Variants in KRTAP4-8 observed in about 807,000 individuals in gnomAD.
KRTAP4-8 encodes the protein keratin associated protein 4-8.
For missense variants in KRTAP4-8, 188 were observed against 237.4 expected (o/e 0.79, Z 1.37); for synonymous variants, 66 against 86.6 (o/e 0.76, Z 1.32).
In KRTAP4-8 at chr17:41,098,050, T is replaced by G; in HGVS notation, c.35A>C (p.Asp12Ala). 6.2e-7 allele frequency: 1 copy of G among 1,610,782 alleles called. No homozygotes were observed. Among genetic ancestry groups the G allele is most frequent in the Non-Finnish European group, 8.5e-7 (1 of 1,178,490 alleles). The change falls in exon 1 of 1, where the codon GAC (aspartate) becomes GCC (alanine). Residue 12 changes from aspartate to alanine, a missense_variant. Physicochemically the swap from Asp to Ala is moderately radical, Grantham distance 126. Coordinates refer to ENST00000333822, the MANE Select transcript of KRTAP4-8 (RefSeq NM_031960.3). Reference sequence around the variant, plus strand: ...GCAGAGGTCTTGGCCACAGCCTTGGTCAGAGCACACGGAGCCACAACAGGA... The same window carrying G: ...GCAGAGGTCTTGGCCACAGCCTTGGGCAGAGCACACGGAGCCACAACAGGA... ...VNSCCGSVCS[D>A]QGCGQDLCQE... is the part of the protein sequence containing the mutation.
Position 41,097,742 on chromosome 17 carries a change from A to G in KRTAP4-8, c.343T>C (p.Cys115Arg). The G allele has an allele frequency of 6.5e-7, 1 of 1,547,952 alleles. No individual in the cohort carries two copies. ...TTGGGCTGGCAGCACACAGACTGGCAGCACTGGGGCTTGCAGCAGCTGGAC... is the reference window on the plus strand; with the variant it reads ...TTGGGCTGGCAGCACACAGACTGGCGGCACTGGGGCTTGCAGCAGCTGGAC... ...CVSSCCKPQCCQSVCCQPNCC... is the reference protein window; with the variant it reads ...CVSSCCKPQCRQSVCCQPNCC... The change falls in exon 1 of 1, where the codon TGC (cysteine) becomes CGC (arginine). Residue 115 changes from cysteine (C) to arginine (R), a missense_variant. Cys to Arg is a radical substitution (Grantham distance 180). Transcript: ENST00000333822.
rs2013859587 is a variant in KRTAP4-8 at position 41,097,204 on chromosome 17, A to T, written c.*323T>A. 2.1e-6 allele frequency: 1 copy of T among 467,158 alleles called. No homozygotes were observed. The highest frequency in any genetic ancestry group is 3.3e-5 in the South Asian group (1 of 30,092). 28.9% of individuals were successfully genotyped at this position (467,158 alleles called of 1,614,324 possible). On this transcript the variant is annotated 3_prime_UTR_variant, in exon 1 of 1. Coordinates refer to ENST00000333822, the MANE Select transcript of KRTAP4-8 (RefSeq NM_031960.3). ...TTGAAAGGGAGATAATGTGTACCTA[A>T]TTGGGAAGGATATTCTGTAGGCTCA... is the stretch of plus-strand genomic sequence containing the variant.
rs755293251 is a variant in KRTAP4-8, at chr17:41,098,009, A to G, written c.76T>C (p.Cys26Arg). ...GQDLCQETCC[C>R]PSCCQTTCCR... ...CAGGTGGTCTGACAGCAGCTGGGGC[A>G]GCAGCAGGTCTCCTGGCAGAGGTCT... The change falls in exon 1 of 1, where the codon TGC becomes CGC. Residue 26 changes from cysteine (C) to arginine (R), a missense_variant. Transcript: ENST00000333822. 5.9e-5 allele frequency: 95 copies of G among 1,613,750 alleles called. No homozygotes were observed. The highest frequency in any genetic ancestry group is 7.3e-5 in the Non-Finnish European group (86 of 1,179,878).
At position 41,097,715 on chromosome 17, in the gene KRTAP4-8, A is replaced by T; in HGVS notation, c.370T>A (p.Cys124Ser). Reference protein sequence around the residue: ...CCQSVCCQPNCCRPSCSISSC... With the variant: ...CCQSVCCQPNSCRPSCSISSC... ...GAGATGCTGCAGCTGGGGCGGCAGC[A>T]GTTGGGCTGGCAGCACACAGACTGG... The change falls in exon 1 of 1, where the codon TGC (cysteine) becomes AGC (serine). Residue 124 changes from cysteine to serine, a missense_variant. Cys to Ser is a moderately radical substitution (Grantham distance 112). Coordinates refer to ENST00000333822, the MANE Select transcript of KRTAP4-8 (RefSeq NM_031960.3). 1 of 1,458,334 alleles carries T rather than the reference A, an allele frequency of 6.9e-7. No individual in the cohort carries two copies. Among genetic ancestry groups the T allele is most frequent in the Non-Finnish European group, 9.4e-7 (1 of 1,058,266 alleles). The allele number at this position is 1,458,334 out of a possible 1,614,324, so 90.3% of individuals were successfully genotyped here.
At position 41,097,952 on chromosome 17, in the gene KRTAP4-8, T is replaced by C. The variant is rs756488945; in HGVS notation, c.133A>G (p.Ser45Gly). 7.5e-6 allele frequency: 12 copies of C among 1,609,366 alleles called. No homozygotes were observed. In the South Asian group the frequency reaches 1.3e-4, roughly 18 times the overall value. ...CRTTCYRPSY[S>G]VSCCCRPQCC... Reference sequence around the variant, plus strand: ...TGGGGTCTGCAGCAGCAGGACACACTGTAGCTGGGGCGGTAGCAGGTGGTC... The same window carrying C: ...TGGGGTCTGCAGCAGCAGGACACACCGTAGCTGGGGCGGTAGCAGGTGGTC... The change falls in exon 1 of 1, where the codon AGT becomes GGT. Residue 45 changes from serine (S) to glycine (G), a missense_variant. By Grantham distance (56) the Ser-to-Gly change is moderately conservative (BLOSUM62 0). Coordinates refer to ENST00000333822, the MANE Select transcript of KRTAP4-8 (RefSeq NM_031960.3).
chr17:41,097,438 C>T lies in KRTAP4-8; in HGVS notation c.*89G>A. On this transcript the variant is annotated 3_prime_UTR_variant, in exon 1 of 1. Coordinates refer to ENST00000333822, the MANE Select transcript of KRTAP4-8 (RefSeq NM_031960.3). ...TCCACCCTGCTGAATGACATAAATC[C>T]CACTCCATGTGTCCTAATATTCAGC... The T allele has an allele frequency of 6.7e-7, 1 of 1,484,878 alleles. No individual in the cohort carries two copies. The allele number at this position is 1,484,878 out of a possible 1,614,324, so 92.0% of individuals were successfully genotyped here. A position where few individuals can be genotyped will look rare whatever the true frequency, so the allele number is the denominator to read the frequency against.
Position 41,097,432 on chromosome 17 carries a change from T to C in KRTAP4-8, c.*95A>G. ...ATGAGGTCCACCCTGCTGAATGACA[T>C]AAATCCCACTCCATGTGTCCTAATA... is the stretch of plus-strand genomic sequence containing the variant. On this transcript the variant is annotated 3_prime_UTR_variant, in exon 1 of 1. Coordinates refer to ENST00000333822, the MANE Select transcript of KRTAP4-8 (RefSeq NM_031960.3). 1 of 1,476,796 alleles carries C rather than the reference T, an allele frequency of 6.8e-7. No homozygotes were observed. Among genetic ancestry groups the C allele is most frequent in the Non-Finnish European group, 9.1e-7 (1 of 1,103,964 alleles). 91.5% of individuals were successfully genotyped at this position (1,476,796 alleles called of 1,614,324 possible). A position where few individuals can be genotyped will look rare whatever the true frequency, so the allele number is the denominator to read the frequency against.
rs766395334 is a variant in KRTAP4-8 at position 41,097,765 on chromosome 17, G to T, written c.320C>A (p.Ser107Tyr). Residue 107 changes from serine to tyrosine, a missense_variant, in exon 1 of 1, where the codon TCC becomes TAC. Transcript: ENST00000333822. ...GCAGCACTGGGGCTTGCAGCAGCTG[G>T]ACACACAGCAGCTGGGGCGGCAGCA... Reference protein sequence around the residue: ...SSCCRPSCCVSSCCKPQCCQS... With the variant: ...SSCCRPSCCVYSCCKPQCCQS... 56 of 1,599,398 alleles carry T rather than the reference G, an allele frequency of 3.5e-5. 1 individual carries two copies. Among genetic ancestry groups the T allele is most frequent in the Non-Finnish European group, 3.4e-6 (4 of 1,172,516 alleles).
Position 41,097,233 on chromosome 17 carries a change from T to C in KRTAP4-8, c.*294A>G, listed in dbSNP as rs1266009937. On this transcript the variant is annotated 3_prime_UTR_variant, in exon 1 of 1. Transcript: ENST00000333822. ...GGAAGGATATTCTGTAGGCTCAAAA[T>C]GATTTTAAAAAATGAGGAATTTAGA... The C allele has an allele frequency of 1.8e-6, 1 of 542,098 alleles. No individual in the cohort carries two copies. Among genetic ancestry groups the C allele is most frequent in the African/African-American group, 1.9e-5 (1 of 52,690 alleles). The allele number at this position is 542,098 out of a possible 1,614,324, so 33.6% of individuals were successfully genotyped here.
rs1489042458 is a variant in KRTAP4-8 at position 41,097,635 on chromosome 17, G to C, written c.450C>G (p.Cys150Trp). Reference protein sequence around the residue: ...CESSCCRPCCCLRPVCGRVSC... With the variant: ...CESSCCRPCCWLRPVCGRVSC... ...AGACTCGGCCACAGACTGGACGCAG[G>C]CAGCAGCAGGGGCGGCAGCAGCTGG... The change falls in exon 1 of 1, where the codon TGC becomes TGG. Residue 150 changes from cysteine (C) to tryptophan (W), a missense_variant. Coordinates refer to ENST00000333822, the MANE Select transcript of KRTAP4-8 (RefSeq NM_031960.3). The C allele has an allele frequency of 1.3e-6, 2 of 1,584,326 alleles. No individual in the cohort carries two copies. Among genetic ancestry groups the C allele is most frequent in the South Asian group, 1.1e-5 (1 of 88,416 alleles).
rs142150852 is a variant in KRTAP4-8, at chr17:41,097,545, G to T, written c.540C>A (p.Cys180Ter). Residue 180 changes from cysteine to a stop codon, truncating the protein, a stop_gained, in exon 1 of 1, where the codon TGC becomes TGA. Coordinates refer to ENST00000333822, the MANE Select transcript of KRTAP4-8 (RefSeq NM_031960.3). LOFTEE classifies it high-confidence loss of function. ...AGTGGGCTCAGCAGCAAGAGGAGGC[G>T]CAGCACACGGGGCGGGGGCAGGTGG... is the stretch of plus-strand genomic sequence containing the variant. ...VISTCPRPVC[C>*]ASSCC The T allele has an allele frequency of 2.0e-5, 31 of 1,559,554 alleles. No homozygotes were observed. Among genetic ancestry groups the T allele is most frequent in the Non-Finnish European group, 2.3e-5 (27 of 1,155,416 alleles).
chr17:41,097,705 G>C lies in KRTAP4-8; in HGVS notation c.380C>G (p.Pro127Arg). The C allele has an allele frequency of 6.8e-7, 1 of 1,472,848 alleles. No homozygotes were observed. The highest frequency in any genetic ancestry group is 1.2e-5 in the South Asian group (1 of 83,048). The allele number at this position is 1,472,848 out of a possible 1,614,324, so 91.2% of individuals were successfully genotyped here. Residue 127 changes from proline (P) to arginine (R), a missense_variant, in exon 1 of 1, where the codon CCC becomes CGC. Physicochemically the swap from Pro to Arg is moderately radical, Grantham distance 103. Coordinates refer to ENST00000333822, the MANE Select transcript of KRTAP4-8 (RefSeq NM_031960.3). ...GCAGCAGCTGGAGATGCTGCAGCTG[G>C]GGCGGCAGCAGTTGGGCTGGCAGCA... ...SVCCQPNCCR[P>R]SCSISSCCRP...
chr17:41,098,094 G>A lies in KRTAP4-8; in HGVS notation c.-10C>T, dbSNP rs755712787. On this transcript the variant is annotated 5_prime_UTR_variant, in exon 1 of 1. Transcript: ENST00000333822. ...AACAGGAGTTGACCATGGTGTCAGA[G>A]GGTGAAGGATCTATTTGGGTTTCCA... The A allele has an allele frequency of 6.9e-6, 11 of 1,586,018 alleles. No homozygotes were observed. The highest frequency in any genetic ancestry group is 2.2e-5 in the East Asian group (1 of 44,668).
chr17:41,097,570 G>A lies in KRTAP4-8; in HGVS notation c.515C>T (p.Ser172Phe). 1 of 1,569,262 alleles carries A rather than the reference G, an allele frequency of 6.4e-7. No homozygotes were observed. The highest frequency in any genetic ancestry group is 8.6e-7 in the Non-Finnish European group (1 of 1,156,480). Residue 172 changes from serine to phenylalanine, a missense_variant, in exon 1 of 1, where the codon TCC (serine) becomes TTC (phenylalanine). Transcript: ENST00000333822. The part of the protein sequence containing the change: ...TTCYRPACVI[S>F]TCPRPVCCAS... ...GCAGCACACGGGGCGGGGGCAGGTG[G>A]AGATGACACAGGCTGGGCGATAGCA...
At position 41,097,994 on chromosome 17, in the gene KRTAP4-8, G is replaced by A; in HGVS notation, c.91C>T (p.Gln31Ter). ...QETCCCPSCC[Q>*]TTCCRTTCYR... ...CAGGTGGTCCTGCAGCAGGTGGTCT[G>A]ACAGCAGCTGGGGCAGCAGCAGGTC... Residue 31 changes from glutamine (Q) to a stop codon, truncating the protein, a stop_gained, in exon 1 of 1, where the codon CAG (glutamine) becomes TAG (stop). Coordinates refer to ENST00000333822, the MANE Select transcript of KRTAP4-8 (RefSeq NM_031960.3). LOFTEE classifies it low-confidence loss of function (END_TRUNC). The A allele has an allele frequency of 6.2e-7, 1 of 1,613,706 alleles. No individual in the cohort carries two copies. The highest frequency in any genetic ancestry group is 8.5e-7 in the Non-Finnish European group (1 of 1,179,818).
At position 41,097,687 on chromosome 17, in the gene KRTAP4-8, C is replaced by T. The variant is rs747426713; in HGVS notation, c.398G>A (p.Ser133Asn). The change falls in exon 1 of 1, where the codon AGC becomes AAC. Residue 133 changes from serine (S) to asparagine (N), a missense_variant. Coordinates refer to ENST00000333822, the MANE Select transcript of KRTAP4-8 (RefSeq NM_031960.3). ...NCCRPSCSIS[S>N]CCRPSCCESS... is the part of the protein sequence containing the mutation. ...TTCACAGCAAGAGGGGCGGCAGCAG[C>T]TGGAGATGCTGCAGCTGGGGCGGCA... is the stretch of plus-strand genomic sequence containing the variant. 2.8e-5 allele frequency: 45 copies of T among 1,584,858 alleles called. 3 individuals are homozygous for T. Among genetic ancestry groups the T allele is most frequent in the East Asian group, 1.4e-4 (6 of 44,404 alleles).
rs2013865573 is a variant in KRTAP4-8, at chr17:41,097,419, C to T, written c.*108G>A. ...GCTCATTGGATACATGAGGTCCACC[C>T]TGCTGAATGACATAAATCCCACTCC... On this transcript the variant is annotated 3_prime_UTR_variant, in exon 1 of 1. Coordinates refer to ENST00000333822, the MANE Select transcript of KRTAP4-8 (RefSeq NM_031960.3). 16 of 1,451,238 alleles carry T rather than the reference C, an allele frequency of 1.1e-5. No individual in the cohort carries two copies. The highest frequency in any genetic ancestry group is 1.4e-5 in the Non-Finnish European group (15 of 1,085,050). 89.9% of individuals were successfully genotyped at this position (1,451,238 alleles called of 1,614,324 possible).
At position 41,097,520 on chromosome 17, in the gene KRTAP4-8, A is replaced by C; in HGVS notation, c.*7T>G. ...GGTGAAGGGAGAGATGAGCCAGGGCAGTGGGCTCAGCAGCAAGAGGAGGCG... is the reference window on the plus strand; with the variant it reads ...GGTGAAGGGAGAGATGAGCCAGGGCCGTGGGCTCAGCAGCAAGAGGAGGCG... On this transcript the variant is annotated 3_prime_UTR_variant, in exon 1 of 1. Coordinates refer to ENST00000333822, the MANE Select transcript of KRTAP4-8 (RefSeq NM_031960.3). 1 of 1,558,520 alleles carries C rather than the reference A, an allele frequency of 6.4e-7. No individual in the cohort carries two copies. The highest frequency in any genetic ancestry group is 1.9e-5 in the Admixed American group (1 of 51,562).
At position 41,097,478 on chromosome 17, in the gene KRTAP4-8, T is replaced by C. The variant is rs1277089202; in HGVS notation, c.*49A>G. Reference sequence around the variant, plus strand: ...TAATATTCAGCACAGAAGAATGGTCTACATTTGTGGACCAGCGGTGAAGGG... The same window carrying C: ...TAATATTCAGCACAGAAGAATGGTCCACATTTGTGGACCAGCGGTGAAGGG... On this transcript the variant is annotated 3_prime_UTR_variant, in exon 1 of 1. Coordinates refer to ENST00000333822, the MANE Select transcript of KRTAP4-8 (RefSeq NM_031960.3). 3.3e-6 allele frequency: 5 copies of C among 1,532,768 alleles called. No individual in the cohort carries two copies. The highest frequency in any genetic ancestry group is 4.4e-6 in the Non-Finnish European group (5 of 1,137,116). 94.9% of individuals were successfully genotyped at this position (1,532,768 alleles called of 1,614,324 possible).
Sources: allele counts gnomAD v4.1 joint callset, GRCh38; gene constraint gnomAD v4.1.1; transcripts MANE v1.5; gene names NCBI Gene and HGNC (gene_info 2026-07-23, HGNC 2026-07-21).